ITPKB: variants seen among roughly 807,000 people sequenced by gnomAD.
ITPKB encodes inositol-trisphosphate 3-kinase B, also known as IP3 3-kinase B.
A neutral mutation model predicts 69.4 loss-of-function variants in ITPKB; 13 were observed. The observed-to-expected ratio is 0.19, with a 90% CI of 0.12 to 0.30. The LOEUF (loss-of-function observed/expected upper bound fraction) is 0.30, where lower values mean the gene tolerates loss of function less well. ITPKB is among the 10% of genes least tolerant of loss of function. The pLI, the probability that ITPKB is intolerant of heterozygous loss-of-function variation, is 1.00. For synonymous variants in ITPKB, 584 were observed against 513.7 expected (o/e 1.14, Z -1.85); for missense variants, 1,240 against 1,250.5 (o/e 0.99, Z 0.13).
At chr1:226,650,983 C>T (rs1435936248) in intron 2 of ITPKB, among the ~76,000 whole-genome samples, 2 of 152,162 alleles carry the variant, frequency 1.3e-5, no homozygotes, top group Admixed American at 6.5e-5. Context: ...CCAGCTGCAG[C>T]GTGCCAGTTT....
At position 226,641,988 on chromosome 1, in the gene ITPKB, C is replaced by T; in HGVS notation, c.2384G>A (p.Arg795Gln). The T allele has an allele frequency of 1.2e-6, 2 of 1,614,218 alleles. No homozygotes were observed. Among genetic ancestry groups the T allele is most frequent in the Non-Finnish European group, 1.7e-6 (2 of 1,180,040 alleles). ...EKAQRAVTKP[R>Q]YMQWRETISS... is the part of the protein sequence containing the mutation. ...GATGGTCTCCCGCCACTGCATGTAC[C>T]GTGGCTTGGTCACAGCCCGCTGTGC... The change falls in exon 5 of 8, where the codon CGG (arginine) becomes CAG (glutamine). Residue 795 changes from arginine (R) to glutamine (Q), a missense_variant. Around this residue, in one of 2 missense-constraint regions of ITPKB, gnomAD observed 248 missense variants for 396.7 expected, o/e 0.63. Coordinates refer to ENST00000429204, the MANE Select transcript of ITPKB (RefSeq NM_002221.4). The surrounding 1 kb of genome is among the most constrained non-coding windows in gnomAD (Gnocchi z 4.6).
At chr1:226,714,435 A>C (rs1486623935) in intron 2 of ITPKB, among the ~76,000 whole-genome samples, 1 of 152,186 alleles carries the variant, frequency 6.6e-6, no homozygotes, top group African/African-American at 2.4e-5. Flanking sequence ...GACTAACACA[A>C]CACCTTTGAT....
intron 2 of ITPKB, 45 bp downstream of exon 2, chr1:226,735,482 C>A: frequency 6.9e-7 from 1 of 1,454,812 alleles, no homozygotes; most frequent in Non-Finnish European, 9.1e-7. Flanking sequence ...CAAAAGTCTG[C>A]TGAAATCAGC....
chr1:226,736,463 C>A lies in ITPKB; in HGVS notation c.996G>T (p.Glu332Asp). The change falls in exon 2 of 8, where the codon GAG becomes GAT. Residue 332 changes from glutamate to aspartate, a missense_variant. This residue lies in a region of ITPKB where 992 missense variants were observed against 853.8 expected (regional missense o/e 1.16). Coordinates refer to ENST00000429204, the MANE Select transcript of ITPKB (RefSeq NM_002221.4). ...CCTCTGGGGGCTGCAGGTCCTCAAGCTCACGGGCTCTCCCAGACGGCTCAG... is the reference window on the plus strand; with the variant it reads ...CCTCTGGGGGCTGCAGGTCCTCAAGATCACGGGCTCTCCCAGACGGCTCAG... Reference protein sequence around the residue: ...ALTEPSGRARELEDLQPPEAL... With the variant: ...ALTEPSGRARDLEDLQPPEAL... The A allele has an allele frequency of 6.2e-7, 1 of 1,613,818 alleles. No individual in the cohort carries two copies. The highest frequency in any genetic ancestry group is 8.5e-7 in the Non-Finnish European group (1 of 1,180,032).
intron 4 of ITPKB, among the ~76,000 whole-genome samples, chr1:226,646,653 TTCC>T (rs1004705800): frequency 1.3e-5 from 2 of 151,890 alleles, no homozygotes; most frequent in Non-Finnish European, 2.9e-5. Context: ...CGTCAGGGGC[TTCC>T]TCCTCCTTTT....
intron 2 of ITPKB, among the ~76,000 whole-genome samples, chr1:226,671,995 C>T (rs1035225435): frequency 6.6e-6 from 1 of 152,150 alleles, no homozygotes; most frequent in African/African-American, 2.4e-5. Flanking sequence ...GGCTTATGTT[C>T]TAAAAGGCTC....
chr1:226,653,549 G>A (rs1178967945), intron 2 of ITPKB, among the ~76,000 whole-genome samples: 4 of 152,182 alleles, frequency 2.6e-5, no homozygotes, highest in Non-Finnish European at 5.9e-5. Context: ...CGGTGCAGCT[G>A]TCAGATGACA....
At chr1:226,636,752 CTGTGTGTGTGTGTGTGTGTGTGTG>C (rs3831353) in intron 7 of ITPKB, among the ~76,000 whole-genome samples, 2 of 139,990 alleles carry the variant, frequency 1.4e-5, no homozygotes, top group Admixed American at 1.4e-4. Context: ...GACTGCAGCT[CTGTGTGTGTGTGTGTGTGTGTGTG>C]TGTGTGTGTG....
chr1:226,687,105 T>A (rs139231991), intron 2 of ITPKB, among the ~76,000 whole-genome samples: 89 of 152,330 alleles, frequency 5.8e-4, no homozygotes, highest in African/African-American at 1.9e-3. Context: ...TACTGTATAT[T>A]TGTAGTCAGT....
intron 2 of ITPKB, among the ~76,000 whole-genome samples, chr1:226,721,502 C>CT (rs748076670): frequency 1.5e-3 from 227 of 149,382 alleles, no homozygotes; most frequent in Non-Finnish European, 2.0e-3. Flanking sequence ...GAACTATTTT[C>CT]TTTTTTTTTT....
chr1:226,709,639 C>T (rs2102635902), intron 2 of ITPKB, among the ~76,000 whole-genome samples: 1 of 152,274 alleles, frequency 6.6e-6, no homozygotes, highest in South Asian at 2.1e-4. Flanking sequence ...GTGATACTTC[C>T]CTGACCTTCC....
chr1:226,733,639 G>A (rs1218021901), intron 2 of ITPKB, among the ~76,000 whole-genome samples: 3 of 152,108 alleles, frequency 2.0e-5, no homozygotes. Flanking sequence ...AAAGCCGGCA[G>A]GGGATTTTTC....
intron 2 of ITPKB, among the ~76,000 whole-genome samples, chr1:226,700,317 A>C (rs2102787072): frequency 6.6e-6 from 1 of 152,038 alleles, no homozygotes. Context: ...AAAACACAAA[A>C]AATTAGCCAG....
rs1485126976 is a variant in ITPKB at position 226,738,688 on chromosome 1, A to G, written c.-206+353T>C. ...CCAGGAGCCGGCGCTCTAACACCCC[A>G]GGGCAGCGCCGCGGAGCGCAGGGCT... On this transcript the variant is annotated intron_variant, in intron 1 of 7. Coordinates refer to ENST00000429204, the MANE Select transcript of ITPKB (RefSeq NM_002221.4). The surrounding 1 kb of genome is among the most constrained non-coding windows in gnomAD (Gnocchi z 4.2). Among the ~76,000 whole-genome samples, 1 of 152,120 alleles carries G rather than the reference A, an allele frequency of 6.6e-6. No individual in the cohort carries two copies. Among genetic ancestry groups the G allele is most frequent in the African/African-American group, 2.4e-5 (1 of 41,430 alleles).
In ITPKB at chr1:226,669,931, C is replaced by T. The variant is rs193071345; in HGVS notation, c.1933-21160G>A. Among the ~76,000 whole-genome samples, 253 of 150,872 alleles carry T rather than the reference C, an allele frequency of 1.7e-3. 2 individuals are homozygous for T. Among genetic ancestry groups the T allele is most frequent in the African/African-American group, 6.0e-3 (245 of 41,126 alleles). ...AACTGTCGCCCAGGCTGGAGTGCAGCTGCACAATCCCAGCTCACTGCAACC... is the reference window on the plus strand; with the variant it reads ...AACTGTCGCCCAGGCTGGAGTGCAGTTGCACAATCCCAGCTCACTGCAACC... On this transcript the variant is annotated intron_variant, in intron 2 of 7. Coordinates refer to ENST00000429204, the MANE Select transcript of ITPKB (RefSeq NM_002221.4).
At chr1:226,636,943 TG>T (rs199557244) in intron 7 of ITPKB, among the ~76,000 whole-genome samples, 3,124 of 152,190 alleles carry the variant, frequency 0.021, 34 homozygotes, top group Non-Finnish European at 0.031. Context: ...TTGATCTGCA[TG>T]TGTGTGAATG....
rs143403145 is a variant in ITPKB at position 226,726,739 on chromosome 1, T to C, written c.1932+8788A>G. ...TTCAGCGGCCGCATATAGACTAAAA[T>C]ATCAATTATAACACATTCAAAATGT... On this transcript the variant is annotated intron_variant, in intron 2 of 7. Transcript: ENST00000429204. 3.3e-3 allele frequency among the ~76,000 whole-genome samples: 500 copies of C among 152,050 alleles called. 4 individuals carry two copies. The highest frequency in any genetic ancestry group is 0.012 in the African/African-American group (484 of 41,456).
At chr1:226,672,434 T>G (rs1669634848) in intron 2 of ITPKB, among the ~76,000 whole-genome samples, 1 of 152,234 alleles carries the variant, frequency 6.6e-6, no homozygotes, top group South Asian at 2.1e-4. Context: ...TCAAACAACT[T>G]TGTATCAGCC....
intron 2 of ITPKB, among the ~76,000 whole-genome samples, chr1:226,693,142 T>C (rs760566140): frequency 6.6e-6 from 1 of 152,260 alleles, no homozygotes; most frequent in Non-Finnish European, 1.5e-5. Context: ...GAGCCACTTC[T>C]GGTCAACTTC....
Sources: gnomAD v4.1 joint callset for allele counts (sites outside exome capture counted in the v4.1 genomes callset) on GRCh38, gnomAD v4.1.1 for gene constraint, gnomAD v4.1.1 regional missense constraint, Gnocchi (gnomAD v3.1) non-coding constraint, MANE v1.5 for transcripts, NCBI Gene and HGNC (gene_info 2026-07-23, HGNC 2026-07-21) for gene names.